Variants in OLFML2B observed in about 807,000 individuals in gnomAD.
The protein encoded by OLFML2B is olfactomedin-like protein 2B.
A neutral mutation model predicts 74.9 loss-of-function variants in OLFML2B; 57 were observed. The observed-to-expected ratio is 0.76, with a 90% CI of 0.61 to 0.95. The LOEUF (loss-of-function observed/expected upper bound fraction) is 0.95. OLFML2B is among the 40% of genes least tolerant of loss of function. The pLI is 0.00. For missense variants in OLFML2B, 986 were observed against 970.6 expected (o/e 1.02, Z -0.21); for synonymous variants, 388 against 405.8 (o/e 0.96, Z 0.53).
intron 1 of OLFML2B, among the ~76,000 whole-genome samples, chr1:162,021,130 C>T (rs1229526570): frequency 1.3e-5 from 2 of 152,090 alleles, no homozygotes; most frequent in African/African-American, 2.4e-5. Context: ...AAGACTTCTT[C>T]GAGGAGTGGC....
chr1:162,002,320 A>G (rs1690102941), intron 4 of OLFML2B, among the ~76,000 whole-genome samples: 1 of 152,192 alleles, frequency 6.6e-6, no homozygotes, highest in African/African-American at 2.4e-5. Context: ...CCCCTTCTCA[A>G]CCAGGGGGAG....
chr1:162,013,975 G>A (rs531527648), intron 3 of OLFML2B, among the ~76,000 whole-genome samples: 2 of 149,112 alleles, frequency 1.3e-5, no homozygotes, highest in East Asian at 3.9e-4. Flanking sequence ...ATTCAAAAAA[G>A]GCAAAACTAT....
At chr1:161,984,385 T>C (rs567664748) in intron 7 of OLFML2B, 109 bp from the exon 8 acceptor site, 53 of 1,434,304 alleles carry the variant, frequency 3.7e-5, no homozygotes, top group African/African-American at 1.7e-4. Context: ...CCCAGGTTTG[T>C]GTCTTGGCTC....
intron 6 of OLFML2B, among the ~76,000 whole-genome samples, chr1:161,994,969 T>C (rs1426345039): frequency 6.6e-6 from 1 of 152,190 alleles, no homozygotes; most frequent in Non-Finnish European, 1.5e-5. Context: ...CAAACAAGCT[T>C]TCCCAGGTAG....
At chr1:162,020,473 A>T (rs1271612740) in intron 1 of OLFML2B, among the ~76,000 whole-genome samples, 4 of 152,132 alleles carry the variant, frequency 2.6e-5, no homozygotes, top group African/African-American at 9.7e-5. Context: ...TCATTTGTCC[A>T]ATAGCCTTTG....
chr1:162,022,846 C>T (rs1207000083), intron 1 of OLFML2B, among the ~76,000 whole-genome samples: 1 of 152,292 alleles, frequency 6.6e-6, no homozygotes, highest in East Asian at 1.9e-4. Context: ...GTGTCCCACC[C>T]TCTGCCATAA....
intron 5 of OLFML2B, 126 bp from the exon 6 acceptor site, chr1:161,998,475 A>AG (rs1242867356): frequency 9.5e-7 from 1 of 1,049,270 alleles, no homozygotes; most frequent in African/African-American, 1.6e-5. Flanking sequence ...TGAGTTACAG[A>AG]GGGGGCCTGG....
chr1:162,010,447 C>A (rs1184462019), intron 3 of OLFML2B, among the ~76,000 whole-genome samples: 1 of 152,028 alleles, frequency 6.6e-6, no homozygotes, highest in East Asian at 1.9e-4. Flanking sequence ...CAAAGGGGAA[C>A]CGGATGCAGG....
At chr1:161,987,548 G>C (rs1689624238) in intron 6 of OLFML2B, among the ~76,000 whole-genome samples, 1 of 152,178 alleles carries the variant, frequency 6.6e-6, no homozygotes, top group Admixed American at 6.5e-5. Context: ...GCTGGAAAAG[G>C]CAAGAAACGG....
intron 2 of OLFML2B, among the ~76,000 whole-genome samples, 191 bp from the exon 3 acceptor site, chr1:162,017,698 C>T (rs111479276): frequency 7.9e-5 from 12 of 152,256 alleles, no homozygotes; most frequent in South Asian, 2.1e-4. Context: ...TTCTGCCTTC[C>T]GAAATGTTTG....
chr1:161,996,440 G>T (rs747938582), intron 6 of OLFML2B, among the ~76,000 whole-genome samples: 1 of 152,204 alleles, frequency 6.6e-6, no homozygotes, highest in Non-Finnish European at 1.5e-5. Context: ...CTCCTTCACC[G>T]CTCTGTCTCT....
At chr1:162,014,071 C>G (rs1370910758) in intron 3 of OLFML2B, among the ~76,000 whole-genome samples, 1 of 151,938 alleles carries the variant, frequency 6.6e-6, no homozygotes, top group African/African-American at 2.4e-5. Flanking sequence ...TAAAGGTTCC[C>G]CTGAGGGAAG....
At chr1:162,009,380 C>T (rs1001852332) in intron 3 of OLFML2B, among the ~76,000 whole-genome samples, 7 of 152,130 alleles carry the variant, frequency 4.6e-5, no homozygotes, top group African/African-American at 9.7e-5. Context: ...TATTATTTGA[C>T]GGAAGATCTC....
rs577248561 is a variant in OLFML2B, at chr1:161,993,248, C to T, written c.1474+4577G>A. Among the ~76,000 whole-genome samples the T allele has an allele frequency of 2.3e-4, 35 of 152,326 alleles. No homozygotes were observed. The South Asian group carries it at 6.4e-3, about 28-fold the overall frequency. ...GGCTCTGGTTCTTCTCACTGCAGTG[C>T]TACCTTCCTTCTTTGCCTAGCTAAT... On this transcript the variant is annotated intron_variant, in intron 6 of 7. Coordinates refer to ENST00000294794, the MANE Select transcript of OLFML2B (RefSeq NM_015441.3).
intron 6 of OLFML2B, among the ~76,000 whole-genome samples, chr1:161,985,649 G>T (rs1326909853): frequency 6.6e-6 from 1 of 152,184 alleles, no homozygotes; most frequent in African/African-American, 2.4e-5. Flanking sequence ...ACCAGCCCTA[G>T]TGGAGCAATG....
At chr1:161,997,738 G>A in intron 6 of OLFML2B, 87 bp downstream of exon 6, 11 of 1,407,390 alleles carry the variant, frequency 7.8e-6, no homozygotes, top group Non-Finnish European at 1.1e-5. Flanking sequence ...TGACCATCTG[G>A]TGCCTCCCTC....
rs747297055 is a variant in OLFML2B, at chr1:161,983,769, T to C, written c.2159A>G (p.Tyr720Cys). 2.5e-6 allele frequency: 4 copies of C among 1,614,034 alleles called. No homozygotes were observed. The highest frequency in any genetic ancestry group is 1.1e-5 in the South Asian group (1 of 91,068). ...PRLLFENEYS[Y>C]TTQIDYNPKD... ...GGGGTTGTAGTCTATCTGGGTCGTA[T>C]AGGAATACTCATTCTCGAACAGCAG... The change falls in exon 8 of 8, where the codon TAT becomes TGT. Residue 720 changes from tyrosine (Y) to cysteine (C), a missense_variant. Tyr to Cys is a radical substitution (Grantham distance 194, BLOSUM62 -2). Coordinates refer to ENST00000294794, the MANE Select transcript of OLFML2B (RefSeq NM_015441.3).
rs962062998 is a variant in OLFML2B at position 161,989,339 on chromosome 1, AG to A, written c.1475-4360del. Among the ~76,000 whole-genome samples, 14 of 152,326 alleles carry A rather than the reference AG, an allele frequency of 9.2e-5. No individual in the cohort carries two copies. In the East Asian group the frequency reaches 1.4e-3, roughly 15 times the overall value. ...ACTCAGATGCCTACAGGGGTCAGGC[AG>A]GAGCTGAAATGATGAGTCAGGCTGA... On this transcript the variant is annotated intron_variant, in intron 6 of 7. Coordinates refer to ENST00000294794, the MANE Select transcript of OLFML2B (RefSeq NM_015441.3).
chr1:161,985,438 A>C (rs1157625686), intron 6 of OLFML2B, among the ~76,000 whole-genome samples: 3 of 152,194 alleles, frequency 2.0e-5, no homozygotes, highest in Non-Finnish European at 4.4e-5. Context: ...CCGGAGCGTA[A>C]GCACCAAGGG....
Sources: allele counts gnomAD v4.1 joint callset (sites outside exome capture counted in the v4.1 genomes callset), GRCh38; gene constraint gnomAD v4.1.1; transcripts MANE v1.5; gene names NCBI Gene and HGNC (gene_info 2026-07-23, HGNC 2026-07-21).